LHPP: variants seen among roughly 807,000 people sequenced by gnomAD.
The protein encoded by LHPP is phospholysine phosphohistidine inorganic pyrophosphate phosphatase.
Under a neutral mutation model 30.3 loss-of-function variants are expected in LHPP, and 24 were observed. The ratio of observed to expected loss-of-function variants is 0.79; its 90% CI spans 0.57 to 1.11. The LOEUF is 1.11. LHPP is among the 50% of genes most tolerant of loss of function. LHPP has a pLI of 0.00. For synonymous variants in LHPP, 150 were observed against 157.1 expected, an observed-to-expected ratio of 0.95 and a Z score of 0.34; for missense variants, 356 against 367.2, an observed-to-expected ratio of 0.97 and a Z score of 0.25.
At chr10:124,535,343 T>C (rs574167080) in intron 6 of LHPP, among the ~76,000 whole-genome samples, 1 of 152,354 alleles carries the variant, frequency 6.6e-6, no homozygotes, top group Admixed American at 6.5e-5. Context: ...CTCTGCCACA[T>C]GTGGTGGTTA....
chr10:124,562,729 C>T (rs1452443711), intron 6 of LHPP, among the ~76,000 whole-genome samples: 4 of 152,054 alleles, frequency 2.6e-5, no homozygotes, highest in African/African-American at 7.2e-5. Flanking sequence ...GCCAGGAGCT[C>T]GAGAACAGCC....
chr10:124,613,461 CCTCCTCCACCCCTGCCT>C lies in LHPP; in HGVS notation c.*120_*136del, dbSNP rs1222099911. On this transcript the variant is annotated 3_prime_UTR_variant, in exon 7 of 7. Coordinates refer to ENST00000368842, the MANE Select transcript of LHPP (RefSeq NM_022126.4). ...CCTCCACCCGCCCAGGAGAGCCCCACCTCCTCCACCCCTGCCTCTCCTCCACCCCTGCCTCCCCTCCA... is the reference window on the plus strand; with the variant it reads ...CCTCCACCCGCCCAGGAGAGCCCCACCTCCTCCACCCCTGCCTCCCCTCCA... 24 of 769,246 alleles carry C rather than the reference CCTCCTCCACCCCTGCCT, an allele frequency of 3.1e-5. No homozygotes were observed. The highest frequency in any genetic ancestry group is 3.6e-4 in the Middle Eastern group (1 of 2,812). 47.7% of individuals were successfully genotyped at this position (769,246 alleles called of 1,614,324 possible).
chr10:124,518,598 C>T (rs985232073), intron 6 of LHPP, among the ~76,000 whole-genome samples: 13 of 152,340 alleles, frequency 8.5e-5, no homozygotes, highest in South Asian at 8.3e-4. Flanking sequence ...GGGAGCACAG[C>T]GGTGTGGCTC....
chr10:124,600,783 A>C (rs1949011029), intron 6 of LHPP, among the ~76,000 whole-genome samples: 1 of 152,222 alleles, frequency 6.6e-6, no homozygotes, highest in Non-Finnish European at 1.5e-5. Flanking sequence ...GCCGAGGCTC[A>C]CAGGAAGCCA....
chr10:124,468,007 GC>G lies in LHPP; in HGVS notation c.125+6025del, dbSNP rs1952609994. Among the ~76,000 whole-genome samples the G allele has an allele frequency of 2.0e-5, 3 of 152,280 alleles. No homozygotes were observed. In the South Asian group the frequency reaches 6.2e-4, roughly 32 times the overall value. On this transcript the variant is annotated intron_variant, in intron 1 of 6. Coordinates refer to ENST00000368842, the MANE Select transcript of LHPP (RefSeq NM_022126.4). ...TTACAGGCATGAGCCACCATGCCCA[GC>G]CCCCAAGGGACAGTTTGAGCCCTGG...
intron 6 of LHPP, among the ~76,000 whole-genome samples, chr10:124,608,688 A>C (rs7079225): frequency 0.36 from 52,349 of 146,584 alleles, 9,244 homozygotes; most frequent in East Asian, 0.49. Flanking sequence ...TCTCGCTCAG[A>C]GGGACCCCCA....
At chr10:124,553,941 G>A (rs1173546827) in intron 6 of LHPP, 35 of 985,310 alleles carry the variant, frequency 3.6e-5, no homozygotes, top group Non-Finnish European at 4.1e-5. Context: ...GAGGGACAGA[G>A]CCCCCCTGTT....
intron 1 of LHPP, 139 bp from the exon 2 acceptor site, chr10:124,484,000 A>G (rs1394623051): frequency 4.1e-6 from 3 of 723,874 alleles, no homozygotes; most frequent in Non-Finnish European, 4.6e-6. Context: ...TGGATCAGCC[A>G]GGACCCCCTC....
At chr10:124,571,997 A>G (rs1344234043) in intron 6 of LHPP, among the ~76,000 whole-genome samples, 1 of 152,198 alleles carries the variant, frequency 6.6e-6, no homozygotes, top group Non-Finnish European at 1.5e-5. Context: ...GGGAAGGAAC[A>G]TTCCAGGTGA....
chr10:124,516,107 A>G (rs1367536648), intron 5 of LHPP, among the ~76,000 whole-genome samples: 2 of 152,190 alleles, frequency 1.3e-5, no homozygotes, highest in Admixed American at 1.3e-4. Flanking sequence ...CATACAAAAC[A>G]CCACAGACTG....
At chr10:124,487,858 T>A (rs1203877129) in intron 2 of LHPP, among the ~76,000 whole-genome samples, 1 of 152,254 alleles carries the variant, frequency 6.6e-6, no homozygotes, top group East Asian at 1.9e-4. Flanking sequence ...TTGCAAATTT[T>A]CCTATTTTAA....
chr10:124,564,209 C>T (rs1412069666), intron 6 of LHPP, among the ~76,000 whole-genome samples: 4 of 151,996 alleles, frequency 2.6e-5, no homozygotes, highest in African/African-American at 9.7e-5. Flanking sequence ...TTGCAACCTC[C>T]ACCTCCCAGG....
intron 6 of LHPP, among the ~76,000 whole-genome samples, chr10:124,551,635 C>A (rs1432517022): frequency 6.6e-6 from 1 of 152,184 alleles, no homozygotes; most frequent in Non-Finnish European, 1.5e-5. Context: ...GCGGAGGGGC[C>A]AGGGTCCCTG....
intron 6 of LHPP, among the ~76,000 whole-genome samples, chr10:124,550,222 T>C (rs1194132848): frequency 6.6e-6 from 1 of 152,230 alleles, no homozygotes; most frequent in African/African-American, 2.4e-5. Context: ...GTCATCCTCA[T>C]ACCCTCTCTC....
chr10:124,497,934 C>A, intron 4 of LHPP, 102 bp from the exon 5 acceptor site: 1 of 898,680 alleles, frequency 1.1e-6, no homozygotes, highest in Non-Finnish European at 1.8e-6. Flanking sequence ...TTCTTCAAGG[C>A]CCTTGACTCT....
chr10:124,501,804 A>G (rs565364152), intron 5 of LHPP, among the ~76,000 whole-genome samples: 6 of 151,814 alleles, frequency 4.0e-5, no homozygotes, highest in Non-Finnish European at 8.8e-5. Flanking sequence ...ATTTAATAGC[A>G]ACCCATATTT....
rs1275500010 is a variant in LHPP, at chr10:124,590,827, A to C, written c.717-22437A>C. On this transcript the variant is annotated intron_variant, in intron 6 of 6. Coordinates refer to ENST00000368842, the MANE Select transcript of LHPP (RefSeq NM_022126.4). This position sits in a 1 kb window ranked among gnomAD's most constrained non-coding sequence, Gnocchi z 4.3. ...CTAGATAATTAGAGTGCACACTTGG[A>C]GGGACAGGATGGCTTCGTATCCATC... Among the ~76,000 whole-genome samples, 4 of 152,192 alleles carry C rather than the reference A, an allele frequency of 2.6e-5. No individual in the cohort carries two copies. Among genetic ancestry groups the C allele is most frequent in the African/African-American group, 7.2e-5 (3 of 41,446 alleles).
At chr10:124,525,150 G>A (rs537145969) in intron 6 of LHPP, among the ~76,000 whole-genome samples, 1 of 152,274 alleles carries the variant, frequency 6.6e-6, no homozygotes, top group African/African-American at 2.4e-5. Context: ...TTATCCAAGT[G>A]GAATCGCACA....
chr10:124,591,035 G>A (rs1948877131), intron 6 of LHPP, among the ~76,000 whole-genome samples: 1 of 152,188 alleles, frequency 6.6e-6, no homozygotes, highest in Admixed American at 6.5e-5. Context: ...AAGTCTGTGT[G>A]GGGAGTGCAG....
Sources: allele counts gnomAD v4.1 joint callset (sites outside exome capture counted in the v4.1 genomes callset), GRCh38; gene constraint gnomAD v4.1.1; non-coding constraint Gnocchi (gnomAD v3.1); transcripts MANE v1.5; gene names NCBI Gene and HGNC (gene_info 2026-07-23, HGNC 2026-07-21).